NAALADL2: variants seen among roughly 807,000 people sequenced by gnomAD.
NAALADL2 encodes inactive N-acetylated-alpha-linked acidic dipeptidase-like protein 2.
A neutral mutation model predicts 87.2 loss-of-function variants in NAALADL2; 76 were observed. The observed-to-expected ratio is 0.87, with a 90% CI of 0.72 to 1.05. The LOEUF (loss-of-function observed/expected upper bound fraction) is 1.05. NAALADL2 is among the 50% of genes least tolerant of loss of function. The pLI is 0.00. For synonymous variants in NAALADL2, 354 were observed against 331.0 expected, an observed-to-expected ratio of 1.07 and a Z score of -0.75; for missense variants, 1,089 against 945.8, an observed-to-expected ratio of 1.15 and a Z score of -1.99.
At chr3:175,107,511 TAC>T (rs776469358) in intron 2 of NAALADL2, among the ~76,000 whole-genome samples, 20,029 of 116,736 alleles carry the variant, frequency 0.17, 1,690 homozygotes, top group African/African-American at 0.31. Context: ...AACACACACA[TAC>T]ACACACACAC....
chr3:175,369,149 T>A (rs541613898), intron 5 of NAALADL2, among the ~76,000 whole-genome samples: 2 of 152,316 alleles, frequency 1.3e-5, no homozygotes, highest in Middle Eastern at 3.4e-3. Context: ...CACTATAATC[T>A]ATGGAACCAC....
At chr3:175,786,815 G>A (rs1752040328) in intron 13 of NAALADL2, among the ~76,000 whole-genome samples, 1 of 152,114 alleles carries the variant, frequency 6.6e-6, no homozygotes, top group Admixed American at 6.5e-5. Context: ...CAGTTTTTCT[G>A]TTCTGTTTTT....
At chr3:175,394,117 A>G (rs537908793) in intron 5 of NAALADL2, among the ~76,000 whole-genome samples, 242 of 152,330 alleles carry the variant, frequency 1.6e-3, no homozygotes, top group Middle Eastern at 6.8e-3. Context: ...TCCTGAGGAA[A>G]AAGAAAATCC....
chr3:174,552,933 G>A (rs1326741884), intron 2 of NAALADL2, among the ~76,000 whole-genome samples: 4 of 151,988 alleles, frequency 2.6e-5, no homozygotes, highest in Admixed American at 6.6e-5. Flanking sequence ...ACCAGTGGGG[G>A]CAAGATAGGT....
chr3:175,648,981 T>C (rs1730393424), intron 11 of NAALADL2, among the ~76,000 whole-genome samples: 2 of 152,198 alleles, frequency 1.3e-5, no homozygotes, highest in African/African-American at 2.4e-5. Context: ...AATATATCTG[T>C]CCTGCCAAAG....
rs148047552 is a variant in NAALADL2, at chr3:175,096,738, T to C, written c.44-52T>C. 25 of 1,243,300 alleles carry C rather than the reference T, an allele frequency of 2.0e-5. 1 individual carries two copies. The highest frequency in any genetic ancestry group is 1.6e-4 in the Admixed American group (5 of 31,664). The allele number at this position is 1,243,300 out of a possible 1,614,324, so 77.0% of individuals were successfully genotyped here. A position where few individuals can be genotyped will look rare whatever the true frequency, so the allele number is the denominator to read the frequency against. On this transcript the variant is annotated intron_variant, in intron 1 of 13. Transcript: ENST00000454872. ...ACTGTTTTGTTTTCACTTTGTTAGTTTTTTTAATTGTGTGTTTATTTTATT... is the reference window on the plus strand; with the variant it reads ...ACTGTTTTGTTTTCACTTTGTTAGTCTTTTTAATTGTGTGTTTATTTTATT...
intron 1 of NAALADL2, among the ~76,000 whole-genome samples, chr3:174,979,380 A>ACTG (rs1744813118): frequency 7.4e-6 from 1 of 135,876 alleles, no homozygotes; most frequent in Admixed American, 8.5e-5. Flanking sequence ...GTCTCGGCTC[A>ACTG]CTGCAAGCTC....
rs369578593 is a variant in NAALADL2, at chr3:175,234,039, T to A, written c.654T>A (p.Ser218=). ...GLEDVQFVNY[S]VLLDLPGPSP... is the part of the protein sequence containing the mutation. ...AAGATGTACAGTTTGTAAATTACTC[T>A]GTGCTGCTTGATCTGCCAGGCCCTT... is the stretch of plus-strand genomic sequence containing the variant. Residue 218 remains serine, a synonymous_variant, in exon 3 of 14, where the codon TCT becomes TCA. Coordinates refer to ENST00000454872, the MANE Select transcript of NAALADL2 (RefSeq NM_207015.3). The A allele has an allele frequency of 2.2e-4, 354 of 1,613,950 alleles. 1 individual carries two copies. Among genetic ancestry groups the A allele is most frequent in the Non-Finnish European group, 2.8e-4 (334 of 1,179,840 alleles).
At chr3:174,441,449 C>A (rs911468076) in intron 1 of NAALADL2, among the ~76,000 whole-genome samples, 3 of 152,146 alleles carry the variant, frequency 2.0e-5, no homozygotes, top group Non-Finnish European at 4.4e-5. Context: ...GGCAGCCCGA[C>A]ACGGCGCGCT....
intron 13 of NAALADL2, among the ~76,000 whole-genome samples, chr3:175,774,122 A>G (rs917816666): frequency 2.0e-5 from 3 of 152,028 alleles, no homozygotes; most frequent in African/African-American, 7.2e-5. Flanking sequence ...TTTCTAATAC[A>G]CACTATTATT....
intron 2 of NAALADL2, among the ~76,000 whole-genome samples, chr3:174,559,945 G>A (rs539189982): frequency 1.3e-5 from 2 of 152,336 alleles, no homozygotes; most frequent in East Asian, 1.9e-4. Flanking sequence ...CTGACACGTT[G>A]TGTCTTTGAG....
intron 1 of NAALADL2, among the ~76,000 whole-genome samples, chr3:174,948,938 A>G (rs552476606): frequency 6.6e-6 from 1 of 152,328 alleles, no homozygotes; most frequent in Admixed American, 6.5e-5. Context: ...GTCCAAGATC[A>G]AGGTGCTGGT....
rs1738346493 is a variant in NAALADL2, at chr3:175,698,364, T to TTTATGTATGTATAC, written c.1897-38942_1897-38941insTTATGTATGTATAC. Among the ~76,000 whole-genome samples, 2 of 51,090 alleles carry TTTATGTATGTATAC rather than the reference T, an allele frequency of 3.9e-5. 1 individual carries two copies. The highest frequency in any genetic ancestry group is 2.0e-4 in the African/African-American group (2 of 10,138). The allele number at this position is 51,090 out of a possible 152,430, so 33.5% of individuals were successfully genotyped here. On this transcript the variant is annotated intron_variant, in intron 11 of 13. Transcript: ENST00000454872. ...ATGTATGTGTATTTATGTATGTGTA[T>TTTATGTATGTATAC]ATATGTATGTGTATTTATGTATGTA...
At chr3:174,804,804 G>A (rs904493014) in intron 3 of NAALADL2, among the ~76,000 whole-genome samples, 2 of 151,990 alleles carry the variant, frequency 1.3e-5, no homozygotes, top group Admixed American at 1.3e-4. Flanking sequence ...TACCCTGAAG[G>A]ACTTACGTTT....
chr3:175,427,941 A>G (rs1322771700), intron 5 of NAALADL2, among the ~76,000 whole-genome samples: 3 of 152,202 alleles, frequency 2.0e-5, no homozygotes, highest in South Asian at 2.1e-4. Flanking sequence ...TTTCTTTTGC[A>G]TATTAACTGT....
At chr3:174,441,417 C>G (rs917562222) in intron 1 of NAALADL2, among the ~76,000 whole-genome samples, 4 of 152,158 alleles carry the variant, frequency 2.6e-5, no homozygotes, top group Non-Finnish European at 5.9e-5. Flanking sequence ...CGTTCACACA[C>G]GTATGCAGTG....
intron 3 of NAALADL2, among the ~76,000 whole-genome samples, chr3:174,834,650 T>A (rs571729882): frequency 6.6e-6 from 1 of 151,898 alleles, no homozygotes; most frequent in African/African-American, 2.4e-5. Flanking sequence ...TCTTATATAC[T>A]AGTAAAATAC....
At chr3:174,776,760 G>A (rs1331633636) in intron 3 of NAALADL2, among the ~76,000 whole-genome samples, 3 of 152,066 alleles carry the variant, frequency 2.0e-5, no homozygotes, top group Non-Finnish European at 4.4e-5. Context: ...GAATCATGGT[G>A]GCAGTGTGAT....
At chr3:175,643,072 G>C (rs187671195) in intron 11 of NAALADL2, among the ~76,000 whole-genome samples, 13 of 152,258 alleles carry the variant, frequency 8.5e-5, no homozygotes, top group Admixed American at 2.6e-4. Context: ...CAGTGTATTT[G>C]ACTTAAAAGA....
Sources: gnomAD v4.1 joint callset for allele counts (sites outside exome capture counted in the v4.1 genomes callset) on GRCh38, gnomAD v4.1.1 for gene constraint, MANE v1.5 for transcripts, NCBI Gene and HGNC (gene_info 2026-07-23, HGNC 2026-07-21) for gene names.